Variants in OR51B5 observed in about 807,000 individuals in gnomAD.
OR51B5 encodes the protein olfactory receptor family 51 subfamily B member 5.
For synonymous variants in OR51B5, 186 were observed against 144.8 expected (o/e 1.28, Z -2.04); for missense variants, 456 against 374.6 (o/e 1.22, Z -1.79).
intron 1 of OR51B5, among the ~76,000 whole-genome samples, chr11:5,485,772 C>T (rs79550487): frequency 0.018 from 2,807 of 152,254 alleles, 87 homozygotes; most frequent in African/African-American, 0.063. Flanking sequence ...CAAATACTAC[C>T]TTCCCAGCAA....
intron 1 of OR51B5, chr11:5,422,614 C>T: frequency 6.2e-7 from 1 of 1,614,102 alleles, no homozygotes; most frequent in South Asian, 1.1e-5. Context: ...CCTCCATCCT[C>T]ACCAATGAAG....
chr11:5,405,131 C>T (rs982928283), intron 1 of OR51B5, among the ~76,000 whole-genome samples: 2 of 152,162 alleles, frequency 1.3e-5, no homozygotes, highest in Admixed American at 6.5e-5. Context: ...AGCGTTTATA[C>T]TTACATTTTC....
rs75795894 is a variant in OR51B5, at chr11:5,499,766, A to G, written n.84+5803T>C. On this transcript the variant is annotated intron_variant and non_coding_transcript_variant, in intron 1 of 4. Coordinates refer to the OR51B5 transcript ENST00000415970. ...TACTGTTATGACACAAGTCTAAACA[A>G]TCTCTTCCCTGGACTTCTGCAGATC... Among the ~76,000 whole-genome samples the G allele has an allele frequency of 3.4e-3, 523 of 152,230 alleles. 4 individuals carry two copies. The highest frequency in any genetic ancestry group is 0.012 in the African/African-American group (494 of 41,554).
chr11:5,483,150 A>G (rs1371418488), intron 1 of OR51B5, among the ~76,000 whole-genome samples: 1 of 150,900 alleles, frequency 6.6e-6, no homozygotes, highest in Non-Finnish European at 1.5e-5. Flanking sequence ...AATGTGGCAC[A>G]TATACACCAT....
intron 1 of OR51B5, among the ~76,000 whole-genome samples, chr11:5,400,836 A>T (rs1849956812): frequency 6.6e-6 from 1 of 152,202 alleles, no homozygotes; most frequent in Admixed American, 6.5e-5. Flanking sequence ...CAGAGCAAAG[A>T]AGAACTTCAT....
At chr11:5,348,078 T>C (rs1849021524), upstream of OR51B5, among the ~76,000 whole-genome samples, 1 of 152,088 alleles carries the variant, frequency 6.6e-6, no homozygotes, top group African/African-American at 2.4e-5. Context: ...TCGAAGCTGA[T>C]TTCTTAGCAA....
rs780537293 is a variant in OR51B5, at chr11:5,441,095, G to A, written n.84+64474C>T. On this transcript the variant is annotated intron_variant and non_coding_transcript_variant, in intron 1 of 4. Coordinates refer to the OR51B5 transcript ENST00000415970. ...CCAGACCCATAGCCAATATACGGTT[G>A]TGAGTGAGCACAGTGACATAGCGTA... is the stretch of plus-strand genomic sequence containing the variant. 7 of 1,614,012 alleles carry A rather than the reference G, an allele frequency of 4.3e-6. No individual in the cohort carries two copies. The Admixed American group carries it at 1.0e-4, about 23-fold the overall frequency.
chr11:5,387,485 A>G (rs781634490), intron 1 of OR51B5, among the ~76,000 whole-genome samples: 4 of 151,898 alleles, frequency 2.6e-5, no homozygotes, highest in Non-Finnish European at 5.9e-5. Context: ...AAAGTGATGT[A>G]AGCCTTATAT....
intron 1 of OR51B5, among the ~76,000 whole-genome samples, chr11:5,428,292 A>G (rs1447626948): frequency 6.6e-6 from 1 of 152,208 alleles, no homozygotes; most frequent in Non-Finnish European, 1.5e-5. Context: ...AGTCATACTT[A>G]AAATTTCCCA....
rs1849457067 is a variant in OR51B5 at position 5,372,115 on chromosome 11, A to G, written n.85-25205T>C. On this transcript the variant is annotated intron_variant and non_coding_transcript_variant, in intron 1 of 4. Transcript: ENST00000415970. ...GTGATATCATACATACATATGACATATATCACAATATCATATACAGACCTG... is the reference window on the plus strand; with the variant it reads ...GTGATATCATACATACATATGACATGTATCACAATATCATATACAGACCTG... 3.9e-5 allele frequency among the ~76,000 whole-genome samples: 6 copies of G among 152,170 alleles called. No homozygotes were observed. The South Asian group carries it at 8.3e-4, about 21-fold the overall frequency.
rs115245029 is a variant in OR51B5, at chr11:5,462,721, C to T, written n.84+42848G>A. Among the ~76,000 whole-genome samples the T allele has an allele frequency of 3.5e-4, 54 of 152,340 alleles. No individual in the cohort carries two copies. The East Asian group carries it at 9.3e-3, about 26-fold the overall frequency. ...ACACTTTTCTACCTGGGCTGATGCACTACTTTGGACTCAGGACCCTCTGTT... is the reference window on the plus strand; with the variant it reads ...ACACTTTTCTACCTGGGCTGATGCATTACTTTGGACTCAGGACCCTCTGTT... On this transcript the variant is annotated intron_variant and non_coding_transcript_variant, in intron 1 of 4. Coordinates refer to the OR51B5 transcript ENST00000415970.
chr11:5,423,144 AT>A, intron 1 of OR51B5: 1 of 1,593,022 alleles, frequency 6.3e-7, no homozygotes, highest in Non-Finnish European at 8.6e-7. Context: ...AAAAATATGC[AT>A]TCAAGATGAG....
intron 1 of OR51B5, among the ~76,000 whole-genome samples, chr11:5,495,985 C>G (rs1170229749): frequency 6.6e-6 from 1 of 152,136 alleles, no homozygotes; most frequent in Non-Finnish European, 1.5e-5. Flanking sequence ...CTTAACCTCT[C>G]CATGAACAGA....
At chr11:5,416,090 G>C (rs1206054701) in intron 1 of OR51B5, among the ~76,000 whole-genome samples, 2 of 149,460 alleles carry the variant, frequency 1.3e-5, no homozygotes, top group Admixed American at 1.3e-4. Flanking sequence ...GATCAAGTGG[G>C]CTTCATCCCT....
At chr11:5,406,881 G>A (rs999663908) in intron 1 of OR51B5, among the ~76,000 whole-genome samples, 2 of 152,064 alleles carry the variant, frequency 1.3e-5, no homozygotes, top group Non-Finnish European at 2.9e-5. Flanking sequence ...AGCAAACTCA[G>A]AGGGTTGGAG....
intron 1 of OR51B5, among the ~76,000 whole-genome samples, chr11:5,477,946 C>A (rs1287329528): frequency 6.6e-6 from 1 of 151,954 alleles, no homozygotes; most frequent in Non-Finnish European, 1.5e-5. Flanking sequence ...GGGCGCCCGC[C>A]ATTGCCCAGG....
intron 1 of OR51B5, among the ~76,000 whole-genome samples, chr11:5,497,347 G>A (rs1766664655): frequency 6.6e-6 from 1 of 152,206 alleles, no homozygotes; most frequent in South Asian, 2.1e-4. Context: ...GGGAGGCAGA[G>A]GTTGCAGTGA....
intron 1 of OR51B5, among the ~76,000 whole-genome samples, chr11:5,439,951 T>C (rs1236152568): frequency 1.3e-5 from 2 of 152,232 alleles, no homozygotes; most frequent in East Asian, 1.9e-4. Context: ...GGAATAGTAC[T>C]GTTCTAAACG....
intron 1 of OR51B5, chr11:5,455,106 G>A (rs1052207130): frequency 2.6e-5 from 4 of 152,226 alleles, no homozygotes; most frequent in Non-Finnish European, 4.4e-5. Flanking sequence ...TAAACTGATA[G>A]ATATTGCCAT....
Sources: gnomAD v4.1 joint callset for allele counts (sites outside exome capture counted in the v4.1 genomes callset) on GRCh38, gnomAD v4.1.1 for gene constraint, MANE v1.5 for transcripts, NCBI Gene and HGNC (gene_info 2026-07-23, HGNC 2026-07-21) for gene names.